The following PARD3B variants were observed in gnomAD, a reference collection of about 807,000 sequenced individuals.
PARD3B encodes the protein partitioning defective 3 homolog B.
PARD3B carries 103 observed loss-of-function variants against 130.2 expected under a neutral mutation model. That is an observed-to-expected ratio of 0.79 (90% CI 0.67 to 0.93). The LOEUF is 0.93. Ranked by LOEUF, PARD3B falls within the 40% of genes least tolerant of loss-of-function variation. The probability of loss-of-function intolerance (pLI) is 0.00; values close to 1 mark genes in which losing one functional copy is unlikely to be tolerated. For synonymous variants in PARD3B, 583 were observed against 553.2 expected, an observed-to-expected ratio of 1.05 and a Z score of -0.76; for missense variants, 1,609 against 1,499.2, an observed-to-expected ratio of 1.07 and a Z score of -1.21.
At chr2:205,574,474 T>C (rs4044513) in intron 22 of PARD3B, among the ~76,000 whole-genome samples, 84,570 of 151,900 alleles carry the variant, frequency 0.56, 23,850 homozygotes, top group Middle Eastern at 0.71. Flanking sequence ...CTGGACGTGT[T>C]TGTTAACAGG....
intron 1 of PARD3B, among the ~76,000 whole-genome samples, chr2:204,613,917 G>T (rs978996842): frequency 1.3e-5 from 2 of 152,054 alleles, no homozygotes; most frequent in African/African-American, 2.4e-5. Context: ...TCCCACAAAT[G>T]CTGGGTGAAC....
At chr2:204,797,229 A>G (rs1304212210) in intron 2 of PARD3B, among the ~76,000 whole-genome samples, 3 of 152,102 alleles carry the variant, frequency 2.0e-5, no homozygotes, top group Non-Finnish European at 4.4e-5. Flanking sequence ...TTTCATAGAA[A>G]AATAAATGGA....
intron 20 of PARD3B, among the ~76,000 whole-genome samples, chr2:205,466,390 G>T (rs566343641): frequency 6.6e-6 from 1 of 152,046 alleles, no homozygotes; most frequent in African/African-American, 2.4e-5. Context: ...ACATTTTTTG[G>T]GTCTTTTTTA....
chr2:204,805,094 A>G (rs1253044397), intron 2 of PARD3B, among the ~76,000 whole-genome samples: 1 of 152,120 alleles, frequency 6.6e-6, no homozygotes, highest in Non-Finnish European at 1.5e-5. Context: ...ATGAGAGCTG[A>G]AGTAAATAAA....
intron 10 of PARD3B, among the ~76,000 whole-genome samples, chr2:205,134,583 G>C (rs1238065580): frequency 6.6e-6 from 1 of 151,966 alleles, no homozygotes; most frequent in African/African-American, 2.4e-5. Context: ...GGTAAATGCT[G>C]TACCTTCTCT....
At chr2:204,816,705 A>G (rs576040559) in intron 2 of PARD3B, among the ~76,000 whole-genome samples, 2 of 151,514 alleles carry the variant, frequency 1.3e-5, no homozygotes, top group African/African-American at 4.8e-5. Flanking sequence ...AAATGATTTG[A>G]TTATGTTGTA....
chr2:205,158,192 A>C lies in PARD3B; in HGVS notation c.1435-530A>C, dbSNP rs2034295280. On this transcript the variant is annotated intron_variant, in intron 10 of 22. Transcript: ENST00000406610. This position sits in a 1 kb window ranked among gnomAD's most constrained non-coding sequence, Gnocchi z 5.4. ...AACTTTAAAGTAACATCTCATTTTTACTGTGTCTTATTAACAAACTTTACC... is the reference window on the plus strand; with the variant it reads ...AACTTTAAAGTAACATCTCATTTTTCCTGTGTCTTATTAACAAACTTTACC... Among the ~76,000 whole-genome samples the C allele has an allele frequency of 6.6e-6, 1 of 152,190 alleles. No individual in the cohort carries two copies.
At chr2:204,727,222 T>A (rs2039275786) in intron 2 of PARD3B, among the ~76,000 whole-genome samples, 1 of 152,222 alleles carries the variant, frequency 6.6e-6, no homozygotes, top group Non-Finnish European at 1.5e-5. Context: ...ATTTGTTTAT[T>A]CCTTGTATAT....
chr2:205,145,328 C>CAA (rs35788115), intron 10 of PARD3B, among the ~76,000 whole-genome samples: 3 of 145,218 alleles, frequency 2.1e-5, no homozygotes, highest in African/African-American at 7.6e-5. Context: ...GCCGCCCCCG[C>CAA]AAAAAAAAAA....
chr2:205,224,956 A>G (rs1427780089), intron 15 of PARD3B, among the ~76,000 whole-genome samples: 2 of 152,114 alleles, frequency 1.3e-5, no homozygotes, highest in Non-Finnish European at 2.9e-5. Flanking sequence ...GTTCTAGGGT[A>G]CATGTAGTAC....
At chr2:205,144,412 G>T (rs1291144100) in intron 10 of PARD3B, among the ~76,000 whole-genome samples, 1 of 152,190 alleles carries the variant, frequency 6.6e-6, no homozygotes, top group African/African-American at 2.4e-5. Flanking sequence ...TGTGACAGTA[G>T]CTGACTGATA....
At chr2:205,393,855 G>C (rs114015010) in intron 18 of PARD3B, among the ~76,000 whole-genome samples, 1 of 152,076 alleles carries the variant, frequency 6.6e-6, no homozygotes, top group Non-Finnish European at 1.5e-5. Context: ...ATTCATCAGC[G>C]TATGTATGGG....
intron 10 of PARD3B, among the ~76,000 whole-genome samples, chr2:205,154,932 A>T (rs2034015917): frequency 6.6e-6 from 1 of 152,266 alleles, no homozygotes; most frequent in African/African-American, 2.4e-5. Flanking sequence ...ATTAGGAGAA[A>T]TACCTAATGT....
chr2:204,741,760 A>C (rs2040017791), intron 2 of PARD3B, among the ~76,000 whole-genome samples: 1 of 152,180 alleles, frequency 6.6e-6, no homozygotes, highest in Non-Finnish European at 1.5e-5. Context: ...GGGCTGTCCC[A>C]GTGGGGACAC....
intron 4 of PARD3B, among the ~76,000 whole-genome samples, chr2:205,056,908 C>T (rs1163273758): frequency 1.5e-5 from 2 of 137,606 alleles, no homozygotes; most frequent in Non-Finnish European, 3.3e-5. Flanking sequence ...CACATACACA[C>T]ACACACATAT....
intron 1 of PARD3B, among the ~76,000 whole-genome samples, chr2:204,559,509 G>C (rs1414288862): frequency 6.6e-6 from 1 of 152,206 alleles, no homozygotes; most frequent in Non-Finnish European, 1.5e-5. Flanking sequence ...ACACCAGTTA[G>C]AATGGCATCA....
At chr2:205,293,504 T>C (rs1162109460) in intron 16 of PARD3B, 1 of 152,148 alleles carries the variant, frequency 6.6e-6, no homozygotes, top group Non-Finnish European at 1.5e-5. Flanking sequence ...TGGCAGTAGG[T>C]AAAATTAAGA....
intron 2 of PARD3B, among the ~76,000 whole-genome samples, chr2:204,855,309 C>T (rs528748885): frequency 6.6e-6 from 1 of 152,140 alleles, no homozygotes; most frequent in East Asian, 1.9e-4. Context: ...CTTTGGGAGG[C>T]CAAGCTGGGT....
chr2:205,364,972 C>T (rs529632934), intron 18 of PARD3B, among the ~76,000 whole-genome samples: 3 of 151,978 alleles, frequency 2.0e-5, no homozygotes, highest in East Asian at 1.9e-4. Context: ...GAGGCCAAGG[C>T]GAGTAGATCA....
Sources: gnomAD v4.1 joint callset for allele counts (sites outside exome capture counted in the v4.1 genomes callset) on GRCh38, gnomAD v4.1.1 for gene constraint, Gnocchi (gnomAD v3.1) non-coding constraint, MANE v1.5 for transcripts, NCBI Gene and HGNC (gene_info 2026-07-23, HGNC 2026-07-21) for gene names.